The following NRXN3 variants were observed in gnomAD, a reference collection of about 807,000 sequenced individuals.
NRXN3 encodes the protein neurexin III.
In NRXN3, 32 loss-of-function variants were observed where a neutral mutation model predicts 137.6. The ratio of observed to expected loss-of-function variants is 0.23; its 90% confidence interval spans 0.18 to 0.31. The LOEUF is 0.31. NRXN3 is among the 10% of genes least tolerant of loss of function. NRXN3 has a pLI of 1.00. For missense variants in NRXN3, 1,574 were observed against 2,062.5 expected (o/e 0.76, Z 4.59); for synonymous variants, 798 against 784.5 (o/e 1.02, Z -0.29).
At chr14:78,246,689 A>G (rs565660945) in intron 2 of NRXN3, among the ~76,000 whole-genome samples, 8 of 152,360 alleles carry the variant, frequency 5.3e-5, no homozygotes, top group African/African-American at 1.4e-4. Context: ...GCCTCCACAC[A>G]TAGTTAATTT....
chr14:79,474,565 C>T (rs1271322143), intron 16 of NRXN3, among the ~76,000 whole-genome samples: 1 of 152,018 alleles, frequency 6.6e-6, no homozygotes, highest in Non-Finnish European at 1.5e-5. Flanking sequence ...TAGGTCATGA[C>T]CTTGGTTAGG....
At chr14:79,601,817 G>GC (rs1265486818) in intron 16 of NRXN3, among the ~76,000 whole-genome samples, 2 of 152,146 alleles carry the variant, frequency 1.3e-5, no homozygotes, top group African/African-American at 4.8e-5. Context: ...GATAGCTCAG[G>GC]CAAGACTGAC....
chr14:78,201,253 G>A (rs534882530), intron 1 of NRXN3, among the ~76,000 whole-genome samples: 2 of 152,266 alleles, frequency 1.3e-5, no homozygotes, highest in South Asian at 4.1e-4. Flanking sequence ...CCTCGAGATC[G>A]TAGCCAAAAC....
At chr14:78,719,317 C>G (rs1205869779) in intron 8 of NRXN3, among the ~76,000 whole-genome samples, 1 of 152,198 alleles carries the variant, frequency 6.6e-6, no homozygotes. Flanking sequence ...TTACTTCTCT[C>G]CAGTGACTCT....
At chr14:78,358,339 A>T (rs1327793321) in intron 4 of NRXN3, among the ~76,000 whole-genome samples, 1 of 152,238 alleles carries the variant, frequency 6.6e-6, no homozygotes, top group East Asian at 1.9e-4. Context: ...AATTTTCCTG[A>T]TAGGAAAGTG....
In NRXN3 at chr14:78,613,578, G is replaced by GTTTT. The variant is rs57745190; in HGVS notation, c.758-31520_758-31517dup. ...AGGAGAAAACTGTCTCACAACCATA[G>GTTTT]TTTTTTTTTTTTTTTTTTTTTTTTT... On this transcript the variant is annotated intron_variant, in intron 4 of 20. Transcript: ENST00000335750. Among the ~76,000 whole-genome samples the GTTTT allele has an allele frequency of 1.6e-3, 149 of 95,100 alleles. 5 individuals carry two copies. Among genetic ancestry groups the GTTTT allele is most frequent in the African/African-American group, 6.4e-3 (140 of 21,706 alleles). 62.4% of individuals were successfully genotyped at this position (95,100 alleles called of 152,430 possible).
intron 16 of NRXN3, among the ~76,000 whole-genome samples, chr14:79,484,812 A>G (rs187619299): frequency 6.6e-6 from 1 of 152,306 alleles, no homozygotes; most frequent in Admixed American, 6.5e-5. Context: ...TTAAAGGAAT[A>G]TATTTGCCTG....
At chr14:79,179,813 C>T (rs953016607) in intron 15 of NRXN3, among the ~76,000 whole-genome samples, 2 of 152,154 alleles carry the variant, frequency 1.3e-5, no homozygotes, top group Admixed American at 6.5e-5. Flanking sequence ...GTTTCTCCAA[C>T]CTGGACAGAC....
chr14:79,133,755 C>G (rs1191628379), intron 15 of NRXN3, among the ~76,000 whole-genome samples: 3 of 151,550 alleles, frequency 2.0e-5, no homozygotes, highest in Non-Finnish European at 4.4e-5. Flanking sequence ...GAAATCCTGT[C>G]TCTACTAAAA....
intron 19 of NRXN3, among the ~76,000 whole-genome samples, chr14:79,764,786 AT>A (rs2099050657): frequency 6.6e-6 from 1 of 152,194 alleles, no homozygotes; most frequent in East Asian, 1.9e-4. Context: ...GGCCAAAAAA[AT>A]GGGATAAAAA....
At chr14:79,607,852 G>T (rs564259953) in intron 16 of NRXN3, among the ~76,000 whole-genome samples, 2 of 151,500 alleles carry the variant, frequency 1.3e-5, no homozygotes, top group African/African-American at 4.9e-5. Flanking sequence ...CTAATTTTTT[G>T]TCAAGACGGG....
chr14:78,393,778 T>G (rs1012798568), intron 4 of NRXN3, among the ~76,000 whole-genome samples: 7 of 152,134 alleles, frequency 4.6e-5, no homozygotes, highest in Non-Finnish European at 8.8e-5. Context: ...AGACCTTCTT[T>G]GATTTTTAAT....
intron 15 of NRXN3, among the ~76,000 whole-genome samples, chr14:79,240,999 C>T (rs2074198405): frequency 6.6e-6 from 1 of 152,046 alleles, no homozygotes; most frequent in Non-Finnish European, 1.5e-5. Context: ...TGTCCTTCCC[C>T]CTTTATATCT....
intron 19 of NRXN3, among the ~76,000 whole-genome samples, chr14:79,798,917 T>G (rs188265825): frequency 6.6e-6 from 1 of 152,174 alleles, no homozygotes; most frequent in African/African-American, 2.4e-5. Context: ...CCAATGATTA[T>G]AGAAGCAATA....
intron 1 of NRXN3, among the ~76,000 whole-genome samples, chr14:78,234,136 A>T (rs1436640683): frequency 6.6e-6 from 1 of 152,136 alleles, no homozygotes; most frequent in African/African-American, 2.4e-5. Flanking sequence ...CTCTTCTTTC[A>T]TCTTCTGCCA....
intron 15 of NRXN3, among the ~76,000 whole-genome samples, chr14:79,020,368 C>T (rs550062662): frequency 2.0e-4 from 30 of 150,560 alleles, no homozygotes; most frequent in East Asian, 7.9e-4. Flanking sequence ...CAGGTTCAAG[C>T]GATTCTCCTG....
At chr14:78,279,038 G>A (rs1048810963) in intron 3 of NRXN3, among the ~76,000 whole-genome samples, 3 of 152,316 alleles carry the variant, frequency 2.0e-5, no homozygotes, top group Admixed American at 6.5e-5. Context: ...GCTTCATGTG[G>A]TTGAAAGCAG....
At chr14:79,431,167 A>G (rs963773008) in intron 15 of NRXN3, among the ~76,000 whole-genome samples, 5 of 152,166 alleles carry the variant, frequency 3.3e-5, no homozygotes, top group Non-Finnish European at 5.9e-5. Context: ...CGTATCTTGC[A>G]AACAAAAGAA....
At chr14:78,693,263 T>C (rs2098190922) in intron 6 of NRXN3, among the ~76,000 whole-genome samples, 1 of 151,998 alleles carries the variant, frequency 6.6e-6, no homozygotes, top group Non-Finnish European at 1.5e-5. Flanking sequence ...TTATCAGCTT[T>C]ATCTCTGATA....
Sources: allele counts gnomAD v4.1 joint callset (sites outside exome capture counted in the v4.1 genomes callset), GRCh38; gene constraint gnomAD v4.1.1; transcripts MANE v1.5; gene names NCBI Gene and HGNC (gene_info 2026-07-23, HGNC 2026-07-21).